The following LAMP1 variants were observed in gnomAD, a reference collection of about 807,000 sequenced individuals.
LAMP1 encodes lysosome-associated membrane glycoprotein 1.
In LAMP1, 7 loss-of-function variants were observed where a neutral mutation model predicts 37.5. The observed-to-expected ratio is 0.19, with a 90% CI of 0.11 to 0.35. The LOEUF (loss-of-function observed/expected upper bound fraction) is 0.35. LAMP1 is among the 10% of genes least tolerant of loss of function. The pLI is 1.00. For synonymous variants in LAMP1, 236 were observed against 229.1 expected (o/e 1.03, Z -0.27); for missense variants, 537 against 552.8 (o/e 0.97, Z 0.29).
At chr13:113,318,534 G>A (rs1020956693) in intron 4 of LAMP1, among the ~76,000 whole-genome samples, 1 of 152,166 alleles carries the variant, frequency 6.6e-6, no homozygotes, top group African/African-American at 2.4e-5. Flanking sequence ...TAGTGAGAGT[G>A]TTGGCCACAG....
chr13:113,309,573 A>G, intron 2 of LAMP1, 70 bp from the exon 3 acceptor site: 5 of 1,197,374 alleles, frequency 4.2e-6, no homozygotes, highest in Non-Finnish European at 6.0e-6. Flanking sequence ...AGACTTACAG[A>G]AAATCTCTTT....
intron 1 of LAMP1, chr13:113,305,128 A>G (rs892957588): frequency 9.2e-5 from 14 of 152,236 alleles, no homozygotes; most frequent in African/African-American, 3.1e-4. Context: ...GGAATCCATT[A>G]CTTTTCCAGG....
intron 4 of LAMP1, 144 bp downstream of exon 4, chr13:113,311,011 C>T (rs955895734): frequency 9.6e-6 from 6 of 622,466 alleles, no homozygotes; most frequent in African/African-American, 3.7e-5. Context: ...CTCTGCAGAA[C>T]GTTCTCATCC....
rs1037563042 is a variant in LAMP1 at position 113,302,902 on chromosome 13, C to A, written c.62-3583C>A. Reference sequence around the variant, plus strand: ...TTGACCTCTCTATGCCTTAATCTCCCTATGAAGAGTTGTCATGATAACTGG... The same window carrying A: ...TTGACCTCTCTATGCCTTAATCTCCATATGAAGAGTTGTCATGATAACTGG... On this transcript the variant is annotated intron_variant, in intron 1 of 8. Transcript: ENST00000332556. 1.2e-4 allele frequency among the ~76,000 whole-genome samples: 19 copies of A among 152,310 alleles called. 1 individual carries two copies. The highest frequency in any genetic ancestry group is 3.4e-3 in the Middle Eastern group (1 of 294).
At chr13:113,311,976 A>T (rs200127375) in intron 4 of LAMP1, among the ~76,000 whole-genome samples, 1 of 152,268 alleles carries the variant, frequency 6.6e-6, no homozygotes, top group East Asian at 1.9e-4. Flanking sequence ...ATGTATGGAG[A>T]CATCCCTTAG....
At chr13:113,302,705 C>T (rs1055978453) in intron 1 of LAMP1, among the ~76,000 whole-genome samples, 2 of 152,162 alleles carry the variant, frequency 1.3e-5, no homozygotes, top group African/African-American at 4.8e-5. Flanking sequence ...GCTGAGATTA[C>T]AGGCATGAGC....
intron 4 of LAMP1, among the ~76,000 whole-genome samples, chr13:113,316,515 TGG>T (rs2042665442): frequency 6.6e-6 from 1 of 150,958 alleles, no homozygotes; most frequent in East Asian, 2.0e-4. Flanking sequence ...CTCCGCCTCC[TGG>T]GTTCACGCCA....
chr13:113,310,516 ACT>A (rs779568740), intron 3 of LAMP1, among the ~76,000 whole-genome samples, 191 bp from the exon 4 acceptor site: 4 of 152,040 alleles, frequency 2.6e-5, no homozygotes, highest in African/African-American at 4.8e-5. Context: ...ACAGGGCGAG[ACT>A]CTGTCTCAAA....
At position 113,320,434 on chromosome 13, in the gene LAMP1, C is replaced by T. The variant is rs747935241; in HGVS notation, c.840C>T (p.Ser280=). 98 of 1,610,980 alleles carry T rather than the reference C, an allele frequency of 6.1e-5. No individual in the cohort carries two copies. Among genetic ancestry groups the T allele is most frequent in the Non-Finnish European group, 7.2e-5 (85 of 1,179,986 alleles). The change falls in exon 6 of 9, where the codon AGC becomes AGT. Residue 280 remains serine (S), a synonymous_variant. Coordinates refer to ENST00000332556, the MANE Select transcript of LAMP1 (RefSeq NM_005561.4). This position sits in a 1 kb window ranked among gnomAD's most constrained non-coding sequence, Gnocchi z 4.4. ...GAHLVTLELH[S]EGTTVLLFQF... ...ACCTGGTGACTCTGGAGCTGCACAG[C>T]GAGGGCACCACCGTCCTGCTCTTCC...
rs199936228 is a variant in LAMP1, at chr13:113,321,494, G to GCCCCGCCCCCGC, written c.943+27_943+38dup. The GCCCCGCCCCCGC allele has an allele frequency of 6.2e-7, 1 of 1,613,462 alleles. No individual in the cohort carries two copies. Among genetic ancestry groups the GCCCCGCCCCCGC allele is most frequent in the East Asian group, 2.2e-5 (1 of 44,650 alleles). On this transcript the variant is annotated intron_variant, in intron 7 of 8. Coordinates refer to ENST00000332556, the MANE Select transcript of LAMP1 (RefSeq NM_005561.4). This position sits in a 1 kb window ranked among gnomAD's most constrained non-coding sequence, Gnocchi z 5.6. Reference sequence around the variant, plus strand: ...AGGTGAGAACCCACAATCTCTGCGAGCCCCGCCCCCGCCCGCGCGCCCAGG... The same window carrying GCCCCGCCCCCGC: ...AGGTGAGAACCCACAATCTCTGCGAGCCCCGCCCCCGCCCCCGCCCCCGCCCGCGCGCCCAGG...
intron 4 of LAMP1, among the ~76,000 whole-genome samples, chr13:113,317,264 C>A (rs2042670756): frequency 6.6e-6 from 1 of 152,200 alleles, no homozygotes; most frequent in Admixed American, 6.5e-5. Flanking sequence ...CAGCGCAGGG[C>A]ACTCTCCAGT....
rs2042709935 is a variant in LAMP1, at chr13:113,322,709, TGTCTCTGAGGGGTGGGGGTGC to T, written c.*289_*309del. The T allele has an allele frequency of 9.0e-6, 1 of 110,822 alleles. No individual in the cohort carries two copies. The highest frequency in any genetic ancestry group is 3.8e-5 in the African/African-American group (1 of 26,486). The allele number at this position is 110,822 out of a possible 1,614,324, so 6.9% of individuals were successfully genotyped here. A position where few individuals can be genotyped will look rare whatever the true frequency, so the allele number is the denominator to read the frequency against. ...CTCTCTGAGGGGGTGGGGGTGCCGC[TGTCTCTGAGGGGTGGGGGTGC>T]CGCTGTCTCTGAGGGGTGGGGGTGC... On this transcript the variant is annotated 3_prime_UTR_variant, in exon 9 of 9. Coordinates refer to ENST00000332556, the MANE Select transcript of LAMP1 (RefSeq NM_005561.4).
At position 113,309,964 on chromosome 13, in the gene LAMP1, C is replaced by T. The variant is rs2042621010; in HGVS notation, c.403+102C>T. On this transcript the variant is annotated intron_variant, in intron 3 of 8. Transcript: ENST00000332556. ...GAAGTACAGGCTGGGTGTGGTGGCT[C>T]ACACCTGTAATCCTAGCACTTTGGG... The T allele has an allele frequency of 4.4e-6, 4 of 915,964 alleles. No individual in the cohort carries two copies. The Admixed American group carries it at 5.6e-5, about 13-fold the overall frequency. 56.7% of individuals were successfully genotyped at this position (915,964 alleles called of 1,614,324 possible).
chr13:113,321,725 C>T lies in LAMP1; in HGVS notation c.1112C>T (p.Ser371Phe). 1 of 1,613,886 alleles carries T rather than the reference C, an allele frequency of 6.2e-7. No homozygotes were observed. Among genetic ancestry groups the T allele is most frequent in the Non-Finnish European group, 8.5e-7 (1 of 1,180,036 alleles). Reference protein sequence around the residue: ...AFKVEGGQFGSVEECLLDENS... With the variant: ...AFKVEGGQFGFVEECLLDENS... ...AAGGTGGAAGGTGGCCAGTTTGGCTCTGGTGAGTGTCACCGAGGGCAGCTG... is the reference window on the plus strand; with the variant it reads ...AAGGTGGAAGGTGGCCAGTTTGGCTTTGGTGAGTGTCACCGAGGGCAGCTG... The change falls in exon 8 of 9, where the codon TCT becomes TTT. Residue 371 changes from serine (S) to phenylalanine (F), a missense_variant and splice_region_variant. Coordinates refer to ENST00000332556, the MANE Select transcript of LAMP1 (RefSeq NM_005561.4). The surrounding 1 kb of genome is among the most constrained non-coding windows in gnomAD (Gnocchi z 5.6).
At position 113,319,478 on chromosome 13, in the gene LAMP1, G is replaced by A. The variant is rs769380370; in HGVS notation, c.572G>A (p.Cys191Tyr). 3 of 1,609,662 alleles carry A rather than the reference G, an allele frequency of 1.9e-6. No individual in the cohort carries two copies. Among genetic ancestry groups the A allele is most frequent in the Admixed American group, 1.7e-5 (1 of 59,600 alleles). Reference sequence around the variant, plus strand: ...TCCACTGCACCTGCAGAGACACGCTGTGAACAAGACAGGCCTTCCCCAACC... The same window carrying A: ...TCCACTGCACCTGCAGAGACACGCTATGAACAAGACAGGCCTTCCCCAACC... ...NSSFSRGETR[C>Y]EQDRPSPTTA... The change falls in exon 5 of 9, where the codon TGT (cysteine) becomes TAT (tyrosine). Residue 191 changes from cysteine to tyrosine, a missense_variant. Physicochemically the swap from Cys to Tyr is radical, Grantham distance 194. Transcript: ENST00000332556.
intron 8 of LAMP1, 107 bp from the exon 9 acceptor site, chr13:113,322,175 G>C: frequency 7.8e-7 from 1 of 1,285,830 alleles, no homozygotes; most frequent in Non-Finnish European, 1.1e-6. Context: ...CCTTCCGCCA[G>C]GGTTCCTCTT....
intron 4 of LAMP1, among the ~76,000 whole-genome samples, chr13:113,316,421 ATTTTTT>A (rs11358802): frequency 8.6e-6 from 1 of 115,906 alleles, no homozygotes; most frequent in Admixed American, 8.8e-5. Flanking sequence ...ATTTGGCATG[ATTTTTT>A]TTTTTTTTTT....
chr13:113,312,289 A>G (rs1241202550), intron 4 of LAMP1, among the ~76,000 whole-genome samples: 3 of 152,264 alleles, frequency 2.0e-5, no homozygotes, highest in Non-Finnish European at 4.4e-5. Flanking sequence ...CAGAAAACGA[A>G]TATTTCTTGA....
chr13:113,307,086 G>A (rs1339417734), intron 2 of LAMP1, among the ~76,000 whole-genome samples: 2 of 151,458 alleles, frequency 1.3e-5, no homozygotes, highest in Admixed American at 6.6e-5. Context: ...TGATCCACCC[G>A]CCTTGGCCTC....
Sources: allele counts gnomAD v4.1 joint callset (sites outside exome capture counted in the v4.1 genomes callset), GRCh38; gene constraint gnomAD v4.1.1; non-coding constraint Gnocchi (gnomAD v3.1); transcripts MANE v1.5; gene names NCBI Gene and HGNC (gene_info 2026-07-23, HGNC 2026-07-21).